RBM47: variants seen among roughly 807,000 people sequenced by gnomAD.
The protein encoded by RBM47 is RNA binding motif protein 47, also known as RNA-binding protein 47.
In RBM47, 21 loss-of-function variants were observed where a neutral mutation model predicts 47.1. The ratio of observed to expected loss-of-function variants is 0.45; its 90% confidence interval spans 0.32 to 0.64. The LOEUF (loss-of-function observed/expected upper bound fraction) is 0.64, where lower values mean the gene tolerates loss of function less well. RBM47 is among the 30% of genes least tolerant of loss of function. The pLI is 0.05. For missense variants in RBM47, 708 were observed against 870.9 expected (o/e 0.81, Z 2.35); for synonymous variants, 375 against 361.7 (o/e 1.04, Z -0.42).
intron 1 of RBM47, among the ~76,000 whole-genome samples, chr4:40,597,241 C>T (rs1050775910): frequency 1.3e-5 from 2 of 150,768 alleles, no homozygotes; most frequent in African/African-American, 2.4e-5. Flanking sequence ...GCCTGGGTGA[C>T]AGAGCGAGAT....
At chr4:40,516,457 A>G (rs1440034888) in intron 2 of RBM47, among the ~76,000 whole-genome samples, 4 of 151,454 alleles carry the variant, frequency 2.6e-5, no homozygotes, top group Non-Finnish European at 4.4e-5. Context: ...ACAGGGTTTC[A>G]CCATGTTGGC....
intron 1 of RBM47, among the ~76,000 whole-genome samples, chr4:40,561,992 C>T (rs1365139595): frequency 6.6e-6 from 1 of 152,166 alleles, no homozygotes; most frequent in Non-Finnish European, 1.5e-5. Context: ...TGACTTGAAA[C>T]CTGTTTCTCA....
chr4:40,560,523 G>A (rs1560469323), intron 1 of RBM47, among the ~76,000 whole-genome samples: 2 of 152,266 alleles, frequency 1.3e-5, no homozygotes, highest in Non-Finnish European at 2.9e-5. Flanking sequence ...GCTCCCGGCA[G>A]TGCCAGCCTT....
Position 40,503,239 on chromosome 4 carries a change from A to C in RBM47, c.-154-36540T>G, listed in dbSNP as rs188507258. Among the ~76,000 whole-genome samples, 93 of 152,326 alleles carry C rather than the reference A, an allele frequency of 6.1e-4. No individual in the cohort carries two copies. The East Asian group carries it at 0.017, about 28-fold the overall frequency. On this transcript the variant is annotated intron_variant, in intron 2 of 6. Coordinates refer to ENST00000295971, the MANE Select transcript of RBM47 (RefSeq NM_001098634.2). The stretch of plus-strand genomic sequence containing the variant: ...GCATTAGGCAAAGGACTCTCCTGAC[A>C]AGGTGGCCTCAAGGTGGAAGGAGGC...
chr4:40,603,601 CCT>C lies in RBM47; in HGVS notation c.-240+25793_-240+25794del, dbSNP rs772285424. 3.4e-4 allele frequency among the ~76,000 whole-genome samples: 52 copies of C among 151,478 alleles called. No individual in the cohort carries two copies. In the South Asian group the frequency reaches 3.6e-3, roughly 10 times the overall value. On this transcript the variant is annotated intron_variant, in intron 1 of 6. Coordinates refer to ENST00000295971, the MANE Select transcript of RBM47 (RefSeq NM_001098634.2). ...CCTCTCCTCTTCTCTCCTCTCTCTC[CCT>C]CTCTCTCTCTTTTTTTTGAGATAGG...
intron 6 of RBM47, among the ~76,000 whole-genome samples, chr4:40,431,768 G>A (rs1716114791): frequency 1.3e-5 from 2 of 152,158 alleles, no homozygotes; most frequent in Admixed American, 6.5e-5. Flanking sequence ...GGTGGGGAAG[G>A]AGGCCAACAT....
At chr4:40,533,041 A>G (rs1727566626) in intron 2 of RBM47, among the ~76,000 whole-genome samples, 1 of 152,200 alleles carries the variant, frequency 6.6e-6, no homozygotes, top group Non-Finnish European at 1.5e-5. Context: ...CCAAGCAGAA[A>G]TAGCTTCTTC....
At chr4:40,481,529 T>C (rs1720421485) in intron 2 of RBM47, among the ~76,000 whole-genome samples, 1 of 148,622 alleles carries the variant, frequency 6.7e-6, no homozygotes, top group African/African-American at 2.5e-5. Flanking sequence ...CCTGGGGAAG[T>C]GCAGTCAAAG....
intron 5 of RBM47, among the ~76,000 whole-genome samples, chr4:40,434,790 C>T (rs1468961321): frequency 6.6e-6 from 1 of 151,208 alleles, no homozygotes; most frequent in Non-Finnish European, 1.5e-5. Flanking sequence ...TCTATGAGGC[C>T]AATGTGTACC....
At chr4:40,611,557 C>A (rs979910613) in intron 1 of RBM47, among the ~76,000 whole-genome samples, 2 of 138,288 alleles carry the variant, frequency 1.4e-5, no homozygotes, top group African/African-American at 5.3e-5. Flanking sequence ...CCTGCCTCTA[C>A]TAAAAATACA....
intron 1 of RBM47, among the ~76,000 whole-genome samples, chr4:40,597,666 G>A (rs1485305879): frequency 6.6e-6 from 1 of 152,164 alleles, no homozygotes; most frequent in Non-Finnish European, 1.5e-5. Flanking sequence ...GAAATAATTT[G>A]ATAAACTGGA....
chr4:40,496,398 T>C (rs959526438), intron 2 of RBM47, among the ~76,000 whole-genome samples: 3 of 151,818 alleles, frequency 2.0e-5, no homozygotes, highest in Middle Eastern at 3.2e-3. Flanking sequence ...TGTAGGGTCC[T>C]GGGCCGCAAT....
At chr4:40,599,541 A>C (rs1735051666) in intron 1 of RBM47, among the ~76,000 whole-genome samples, 1 of 152,068 alleles carries the variant, frequency 6.6e-6, no homozygotes, top group Non-Finnish European at 1.5e-5. Flanking sequence ...TCCAGCTTCC[A>C]AACCCAGGCC....
rs751114219 is a variant in RBM47 at position 40,432,739 on chromosome 4, T to C, written c.1454A>G (p.Asp485Gly). The change falls in exon 6 of 7, where the codon GAC becomes GGC. Residue 485 changes from aspartate (D) to glycine (G), a missense_variant. Coordinates refer to ENST00000295971, the MANE Select transcript of RBM47 (RefSeq NM_001098634.2). ...TGCGGCGGCAGCAGCACTGGCTGGG[T>C]CTGGCTGCACAGCAATGGGGCTGAT... Reference protein sequence around the residue: ...HMISPIAVQPDPASAAAAAAA... With the variant: ...HMISPIAVQPGPASAAAAAAA... 1 of 1,611,956 alleles carries C rather than the reference T, an allele frequency of 6.2e-7. No individual in the cohort carries two copies. Among genetic ancestry groups the C allele is most frequent in the African/African-American group, 1.3e-5 (1 of 74,908 alleles).
At chr4:40,496,363 CAAA>C (rs1215447577) in intron 2 of RBM47, among the ~76,000 whole-genome samples, 2 of 93,802 alleles carry the variant, frequency 2.1e-5, no homozygotes, top group Non-Finnish European at 4.3e-5. Flanking sequence ...CACACACACA[CAAA>C]GAGAGAAAAA....
At chr4:40,614,848 A>C (rs1320911902) in intron 1 of RBM47, among the ~76,000 whole-genome samples, 3 of 151,862 alleles carry the variant, frequency 2.0e-5, no homozygotes, top group Non-Finnish European at 4.4e-5. Context: ...CACATACACA[A>C]AAGAGTCTCA....
At chr4:40,532,641 T>C (rs375690762) in intron 2 of RBM47, among the ~76,000 whole-genome samples, 8 of 142,426 alleles carry the variant, frequency 5.6e-5, no homozygotes, top group Admixed American at 2.8e-4. Flanking sequence ...CTTTTTCCTT[T>C]TTTTTTTCTT....
intron 1 of RBM47, among the ~76,000 whole-genome samples, chr4:40,568,679 G>A (rs561501530): frequency 1.3e-5 from 2 of 151,784 alleles, no homozygotes; most frequent in African/African-American, 2.4e-5. Flanking sequence ...TGACTGACGG[G>A]CCACTAGCAC....
chr4:40,562,143 T>G (rs1462558979), intron 1 of RBM47, among the ~76,000 whole-genome samples: 1 of 152,210 alleles, frequency 6.6e-6, no homozygotes, highest in Non-Finnish European at 1.5e-5. Context: ...TTTAAAGATA[T>G]GCAAAGTTAA....
Sources: allele counts gnomAD v4.1 joint callset (sites outside exome capture counted in the v4.1 genomes callset), GRCh38; gene constraint gnomAD v4.1.1; transcripts MANE v1.5; gene names NCBI Gene and HGNC (gene_info 2026-07-23, HGNC 2026-07-21).